Variants in CPNE4 observed in about 807,000 individuals in gnomAD.
CPNE4 encodes the protein copine 4.
Under a neutral mutation model 67.9 loss-of-function variants are expected in CPNE4, and 25 were observed. The ratio of observed to expected loss-of-function variants is 0.37; its 90% confidence interval spans 0.27 to 0.51. The LOEUF is 0.51. CPNE4 is among the 20% of genes least tolerant of loss of function. The pLI, the probability that CPNE4 is intolerant of heterozygous loss-of-function variation, is 0.93. For synonymous variants in CPNE4, 242 were observed against 244.9 expected (o/e 0.99, Z 0.11); for missense variants, 464 against 690.8 (o/e 0.67, Z 3.68).
intron 2 of CPNE4, among the ~76,000 whole-genome samples, chr3:131,731,975 G>A (rs2082138129): frequency 6.6e-6 from 1 of 152,062 alleles, no homozygotes; most frequent in South Asian, 2.1e-4. Flanking sequence ...ACTGTGTGGG[G>A]GTGGCGGGGA....
At chr3:131,664,324 A>G (rs891756376) in intron 7 of CPNE4, among the ~76,000 whole-genome samples, 4 of 152,306 alleles carry the variant, frequency 2.6e-5, no homozygotes, top group African/African-American at 9.6e-5. Flanking sequence ...CTCCTAAAGA[A>G]TATGTTCTGG....
chr3:131,602,529 T>A (rs59023029), intron 7 of CPNE4, among the ~76,000 whole-genome samples: 13,184 of 152,164 alleles, frequency 0.087, 1,104 homozygotes, highest in African/African-American at 0.22. Context: ...AAGAAATATG[T>A]CACTCTTGGA....
intron 3 of CPNE4, among the ~76,000 whole-genome samples, chr3:131,709,417 C>A (rs924033606): frequency 6.6e-6 from 1 of 152,116 alleles, no homozygotes; most frequent in African/African-American, 2.4e-5. Context: ...TGCTAGAGTG[C>A]CGTATCTGGT....
intron 9 of CPNE4, among the ~76,000 whole-genome samples, chr3:131,576,855 G>T (rs1189280576): frequency 1.3e-5 from 2 of 152,062 alleles, no homozygotes; most frequent in Admixed American, 1.3e-4. Flanking sequence ...AGTTATGTGA[G>T]ACCTGACCCT....
chr3:131,829,998 T>C (rs1308389063), intron 2 of CPNE4, among the ~76,000 whole-genome samples: 4 of 152,204 alleles, frequency 2.6e-5, no homozygotes. Context: ...GTGGTCATAA[T>C]TCGGATCTAC....
chr3:131,848,978 A>G (rs928343059), intron 2 of CPNE4, among the ~76,000 whole-genome samples: 1 of 143,816 alleles, frequency 7.0e-6, no homozygotes, highest in Non-Finnish European at 1.5e-5. Flanking sequence ...AAAAAAAAAA[A>G]AAAACACAGA....
intron 2 of CPNE4, among the ~76,000 whole-genome samples, chr3:131,802,508 T>C (rs2084169169): frequency 6.6e-6 from 1 of 152,078 alleles, no homozygotes; most frequent in Non-Finnish European, 1.5e-5. Flanking sequence ...GTTATAAAAT[T>C]GAAGTAGGGG....
At chr3:131,549,826 T>G in intron 14 of CPNE4, 121 bp downstream of exon 14, 1 of 1,146,906 alleles carries the variant, frequency 8.7e-7, no homozygotes, top group South Asian at 1.5e-5. Context: ...TTAAGTCATT[T>G]GTCCAAATTC....
In CPNE4 at chr3:131,976,097, TAAAGAA is replaced by T. The variant is rs2072646142; in HGVS notation, c.-2+58464_-2+58469del. On this transcript the variant is annotated intron_variant, in intron 1 of 15. Transcript: ENST00000429747. ...ATATTGTTGGTTTTTTTTTTTTTTT[TAAAGAA>T]TGCACTCTCATTCTTTTCTCCCTCC... Among the ~76,000 whole-genome samples, 9 of 149,760 alleles carry T rather than the reference TAAAGAA, an allele frequency of 6.0e-5. No homozygotes were observed. The East Asian group carries it at 1.2e-3, about 20-fold the overall frequency.
chr3:131,802,133 G>C (rs760701045), intron 2 of CPNE4, among the ~76,000 whole-genome samples: 1 of 152,156 alleles, frequency 6.6e-6, no homozygotes, highest in Non-Finnish European at 1.5e-5. Context: ...GATCAAAGTA[G>C]AGTGCAAGAC....
chr3:131,995,109 C>T (rs558505320), intron 1 of CPNE4, among the ~76,000 whole-genome samples: 1 of 152,152 alleles, frequency 6.6e-6, no homozygotes, highest in East Asian at 1.9e-4. Flanking sequence ...CCAACCCCTG[C>T]CTCCCAAAAT....
At chr3:131,750,003 C>G (rs1455134412) in intron 2 of CPNE4, among the ~76,000 whole-genome samples, 1 of 152,120 alleles carries the variant, frequency 6.6e-6, no homozygotes, top group African/African-American at 2.4e-5. Flanking sequence ...GCATCACATG[C>G]TGAGACAGAG....
intron 2 of CPNE4, among the ~76,000 whole-genome samples, chr3:131,794,105 G>A (rs1008006530): frequency 6.6e-6 from 1 of 152,156 alleles, no homozygotes; most frequent in African/African-American, 2.4e-5. Flanking sequence ...ATGCAAACAG[G>A]AGTCATCTCT....
intron 1 of CPNE4, among the ~76,000 whole-genome samples, chr3:132,020,164 C>T (rs1260202076): frequency 2.0e-5 from 3 of 152,230 alleles, no homozygotes; most frequent in African/African-American, 7.2e-5. Context: ...GGCTTTCCCC[C>T]TCCTCAGCCC....
At chr3:131,856,130 G>A (rs2086432426) in intron 2 of CPNE4, among the ~76,000 whole-genome samples, 1 of 151,860 alleles carries the variant, frequency 6.6e-6, no homozygotes, top group African/African-American at 2.4e-5. Context: ...CAAATAAAAG[G>A]AAAATCACCA....
intron 11 of CPNE4, among the ~76,000 whole-genome samples, chr3:131,563,448 A>C (rs573139281): frequency 2.6e-5 from 4 of 152,192 alleles, no homozygotes; most frequent in Admixed American, 2.6e-4. Context: ...ATTCAGTTTA[A>C]CGTAATTTAT....
At chr3:132,026,834 C>T (rs1365343190) in intron 1 of CPNE4, among the ~76,000 whole-genome samples, 2 of 151,070 alleles carry the variant, frequency 1.3e-5, no homozygotes, top group South Asian at 4.2e-4. Flanking sequence ...TGCCTTATAG[C>T]CTTATATATA....
chr3:131,699,875 C>G (rs75841703), intron 4 of CPNE4, 34 bp downstream of exon 4: 187,503 of 1,585,932 alleles, frequency 0.12, 11,931 homozygotes, highest in African/African-American at 0.21. Flanking sequence ...GCTCTCCACT[C>G]AGGCAGACAG....
At chr3:132,023,537 G>T (rs1392906413) in intron 1 of CPNE4, among the ~76,000 whole-genome samples, 1 of 131,538 alleles carries the variant, frequency 7.6e-6, no homozygotes, top group Non-Finnish European at 1.5e-5. Context: ...GCCCAGGCTG[G>T]AGTGCAGTGG....
Sources: allele counts gnomAD v4.1 joint callset (sites outside exome capture counted in the v4.1 genomes callset), GRCh38; gene constraint gnomAD v4.1.1; transcripts MANE v1.5; gene names NCBI Gene and HGNC (gene_info 2026-07-23, HGNC 2026-07-21).